Variants in CEP85L observed in about 807,000 individuals in gnomAD.
The protein encoded by CEP85L is centrosomal protein 85L.
A neutral mutation model predicts 100.3 loss-of-function variants in CEP85L; 60 were observed. The ratio of observed to expected loss-of-function variants is 0.60; its 90% CI spans 0.49 to 0.74. The LOEUF is 0.74. CEP85L is among the 30% of genes least tolerant of loss of function. The probability of loss-of-function intolerance (pLI) is 0.00; values close to 1 mark genes in which losing one functional copy is unlikely to be tolerated. For synonymous variants in CEP85L, 319 were observed against 322.7 expected, an observed-to-expected ratio of 0.99 and a Z score of 0.12; for missense variants, 973 against 936.2, an observed-to-expected ratio of 1.04 and a Z score of -0.51.
chr6:118,588,732 C>T (rs1009847884), intron 2 of CEP85L, among the ~76,000 whole-genome samples: 1 of 152,162 alleles, frequency 6.6e-6, no homozygotes, highest in Non-Finnish European at 1.5e-5. Flanking sequence ...TAACTCAGTA[C>T]TATAACTAGA....
At chr6:118,563,542 C>T (rs1023757289) in intron 3 of CEP85L, among the ~76,000 whole-genome samples, 2 of 152,142 alleles carry the variant, frequency 1.3e-5, no homozygotes, top group East Asian at 1.9e-4. Context: ...ATTTATCAGA[C>T]GGCCTGGTCC....
At chr6:118,554,830 GAAC>G (rs1423434831) in intron 3 of CEP85L, among the ~76,000 whole-genome samples, 1 of 152,132 alleles carries the variant, frequency 6.6e-6, no homozygotes, top group East Asian at 1.9e-4. Flanking sequence ...GGCAGAGATA[GAAC>G]AACATGTGCA....
chr6:118,652,768 T>G, upstream of CEP85L: 1 of 1,534,248 alleles, frequency 6.5e-7, no homozygotes, highest in African/African-American at 1.4e-5. Context: ...CTTCCAATTA[T>G]TTCTCCAAAT....
At chr6:118,504,735 G>C (rs1322415909) in intron 5 of CEP85L, among the ~76,000 whole-genome samples, 1 of 152,196 alleles carries the variant, frequency 6.6e-6, no homozygotes, top group Non-Finnish European at 1.5e-5. Context: ...GGCATCTGAA[G>C]TGGAGGGCAG....
In CEP85L at chr6:118,642,165, A is replaced by G. The variant is rs1450167533; in HGVS notation, c.73+9032T>C. On this transcript the variant is annotated intron_variant, in intron 1 of 12. Coordinates refer to ENST00000368491, the MANE Select transcript of CEP85L (RefSeq NM_001042475.3). ...ATAAAGTATAATAAATATTGCATAC[A>G]TAAAATAGGAGCATTTGGGTGAAAT... Among the ~76,000 whole-genome samples the G allele has an allele frequency of 2.0e-5, 3 of 152,240 alleles. No homozygotes were observed. In the East Asian group the frequency reaches 5.8e-4, roughly 29 times the overall value.
chr6:118,507,132 A>C (rs186500175), intron 5 of CEP85L, among the ~76,000 whole-genome samples: 2 of 152,176 alleles, frequency 1.3e-5, no homozygotes, highest in East Asian at 3.9e-4. Flanking sequence ...CTCAACCCCA[A>C]ATTTACAATG....
chr6:118,550,325 T>A (rs1244031935), intron 3 of CEP85L, among the ~76,000 whole-genome samples: 1 of 151,736 alleles, frequency 6.6e-6, no homozygotes, highest in East Asian at 1.9e-4. Context: ...AAAATTTTAA[T>A]GTATTTTAAT....
intron 7 of CEP85L, among the ~76,000 whole-genome samples, chr6:118,482,337 A>G (rs146631227): frequency 5.9e-5 from 9 of 152,302 alleles, no homozygotes; most frequent in Non-Finnish European, 1.0e-4. Context: ...TTGAAACTCT[A>G]TATCAATTAA....
chr6:118,703,967 A>T lies in CEP85L; in HGVS notation c.-28+6069T>A, dbSNP rs183840836. 3.3e-5 allele frequency among the ~76,000 whole-genome samples: 5 copies of T among 152,322 alleles called. No homozygotes were observed. The East Asian group carries it at 7.7e-4, about 23-fold the overall frequency. ...ATCTCTGTTGAGCAAATGCTCAAAA[A>T]TTTTTTATACGCATATGTGAATGAT... On this transcript the variant is annotated intron_variant, in intron 1 of 13. Transcript: ENST00000368488.
chr6:118,483,991 A>G (rs1773988561), intron 6 of CEP85L, 133 bp from the exon 7 acceptor site: 2 of 729,398 alleles, frequency 2.7e-6, no homozygotes, highest in Middle Eastern at 3.9e-4. Context: ...TAGCAACTCA[A>G]TTAAGATTTA....
At chr6:118,547,102 T>C (rs117010847) in intron 3 of CEP85L, among the ~76,000 whole-genome samples, 9 of 152,150 alleles carry the variant, frequency 5.9e-5, no homozygotes, top group Non-Finnish European at 1.3e-4. Flanking sequence ...CACTCTGTCA[T>C]AAGCATTTAA....
chr6:118,594,383 T>C (rs534514750), intron 2 of CEP85L, among the ~76,000 whole-genome samples: 91 of 152,308 alleles, frequency 6.0e-4, no homozygotes, highest in Middle Eastern at 3.4e-3. Context: ...AATGAAGATA[T>C]GATTAAATTG....
chr6:118,666,765 A>AC (rs1044606386), intron 1 of CEP85L, among the ~76,000 whole-genome samples: 18 of 102,736 alleles, frequency 1.8e-4, no homozygotes, highest in Non-Finnish European at 3.5e-4. Flanking sequence ...GGATTAAGTT[A>AC]AAAAAAAAAA....
intron 2 of CEP85L, among the ~76,000 whole-genome samples, chr6:118,587,784 G>A (rs534216804): frequency 6.6e-6 from 1 of 152,272 alleles, no homozygotes; most frequent in African/African-American, 2.4e-5. Flanking sequence ...TTGTCAGGTG[G>A]ACCCTTTTCA....
chr6:118,603,362 T>C (rs1440358923), intron 2 of CEP85L, among the ~76,000 whole-genome samples: 2 of 152,216 alleles, frequency 1.3e-5, no homozygotes, highest in East Asian at 3.8e-4. Flanking sequence ...GTTTAATTTC[T>C]TAAAGGAAAA....
intron 4 of CEP85L, among the ~76,000 whole-genome samples, chr6:118,511,805 GTA>G (rs1775988645): frequency 6.6e-6 from 1 of 152,192 alleles, no homozygotes; most frequent in Admixed American, 6.5e-5. Flanking sequence ...CAAGTAAGTT[GTA>G]TGTTTCAGGT....
intron 1 of CEP85L, among the ~76,000 whole-genome samples, chr6:118,687,847 A>G (rs1053366594): frequency 3.3e-5 from 5 of 152,104 alleles, no homozygotes; most frequent in Non-Finnish European, 5.9e-5. Context: ...CGAGGTGCCC[A>G]TTGCCACTCC....
intron 2 of CEP85L, among the ~76,000 whole-genome samples, chr6:118,575,086 G>T (rs1023147152): frequency 2.6e-5 from 4 of 151,998 alleles, no homozygotes; most frequent in African/African-American, 9.7e-5. Context: ...GTAGAGAAAG[G>T]GTGCAAGAAA....
At chr6:118,538,856 T>C (rs992019063) in intron 3 of CEP85L, among the ~76,000 whole-genome samples, 14 of 152,000 alleles carry the variant, frequency 9.2e-5, no homozygotes, top group African/African-American at 3.1e-4. Flanking sequence ...AGATGAAATA[T>C]AAACAGAATT....
Sources: gnomAD v4.1 joint callset for allele counts (sites outside exome capture counted in the v4.1 genomes callset) on GRCh38, gnomAD v4.1.1 for gene constraint, MANE v1.5 for transcripts, NCBI Gene and HGNC (gene_info 2026-07-23, HGNC 2026-07-21) for gene names.